The following CRACDL variants were observed in gnomAD, a reference collection of about 807,000 sequenced individuals.
CRACDL encodes the protein CRACD-like protein.
CRACDL carries 26 observed loss-of-function variants against 70.6 expected under a neutral mutation model. The ratio of observed to expected loss-of-function variants is 0.37; its 90% CI spans 0.27 to 0.51. The LOEUF (loss-of-function observed/expected upper bound fraction) is 0.51, where lower values mean the gene tolerates loss of function less well. Among genes scored for constraint, CRACDL ranks in the 20% least tolerant of loss-of-function variants. The pLI is 0.94. For missense variants in CRACDL, 1,283 were observed against 1,376.9 expected (o/e 0.93, Z 1.08); for synonymous variants, 618 against 615.2 (o/e 1.00, Z -0.07).
intron 1 of CRACDL, among the ~76,000 whole-genome samples, chr2:98,850,486 C>T (rs1200646463): frequency 6.6e-6 from 1 of 152,248 alleles, no homozygotes; most frequent in African/African-American, 2.4e-5. Context: ...ACCTCCCAGA[C>T]CTCCTTTTGC....
At chr2:98,807,456 A>C (rs573190768) in intron 7 of CRACDL, among the ~76,000 whole-genome samples, 2 of 151,832 alleles carry the variant, frequency 1.3e-5, no homozygotes, top group Admixed American at 1.3e-4. Context: ...TCCCTTCCCC[A>C]CCCTACCACA....
At chr2:98,916,255 G>A (rs1430642659) in intron 1 of CRACDL, among the ~76,000 whole-genome samples, 3 of 152,218 alleles carry the variant, frequency 2.0e-5, no homozygotes, top group Admixed American at 1.3e-4. Context: ...AAAAGCGCAC[G>A]ATTCCATTTA....
chr2:98,850,432 G>A (rs1706435665), intron 1 of CRACDL, among the ~76,000 whole-genome samples: 1 of 152,228 alleles, frequency 6.6e-6, no homozygotes, highest in Admixed American at 6.5e-5. Flanking sequence ...GGAAACGCCA[G>A]ATGTAAAACC....
chr2:98,827,474 TAG>T (rs1705356188), intron 5 of CRACDL, among the ~76,000 whole-genome samples: 1 of 152,176 alleles, frequency 6.6e-6, no homozygotes, highest in African/African-American at 2.4e-5. Context: ...GTATTTTTAG[TAG>T]AGACAGGGTT....
intron 6 of CRACDL, 69 bp downstream of exon 6, chr2:98,826,906 T>TG (rs60538689): frequency 0.44 from 445,714 of 1,012,698 alleles, 73,401 homozygotes; most frequent in African/African-American, 0.65. Flanking sequence ...TGAGGCAGGT[T>TG]GGGGGGGGGC....
At chr2:98,922,634 T>A (rs1184927289) in intron 1 of CRACDL, among the ~76,000 whole-genome samples, 1 of 152,122 alleles carries the variant, frequency 6.6e-6, no homozygotes, top group Non-Finnish European at 1.5e-5. Context: ...AAGCTGCCTA[T>A]GATGCCATGC....
intron 2 of CRACDL, among the ~76,000 whole-genome samples, chr2:98,839,768 T>C (rs1396528912): frequency 1.3e-5 from 2 of 152,258 alleles, no homozygotes; most frequent in Non-Finnish European, 2.9e-5. Flanking sequence ...TCTGAAAATG[T>C]ATTTTTTCCA....
intron 6 of CRACDL, among the ~76,000 whole-genome samples, chr2:98,826,022 A>G (rs540767426): frequency 6.6e-6 from 1 of 152,240 alleles, no homozygotes; most frequent in African/African-American, 2.4e-5. Flanking sequence ...GCATCTCTTT[A>G]TCAGCACTGT....
chr2:98,888,065 C>A (rs1028073588), intron 1 of CRACDL, among the ~76,000 whole-genome samples: 2 of 152,090 alleles, frequency 1.3e-5, no homozygotes, highest in African/African-American at 4.8e-5. Context: ...TTTTATGTTA[C>A]ATGAATTTCA....
intron 1 of CRACDL, among the ~76,000 whole-genome samples, chr2:98,892,097 A>T (rs181173297): frequency 1.3e-5 from 2 of 152,304 alleles, no homozygotes; most frequent in Admixed American, 6.5e-5. Context: ...GGAGTAAAAA[A>T]ATCATATACC....
At chr2:98,808,309 C>G (rs1329584601) in intron 7 of CRACDL, among the ~76,000 whole-genome samples, 2 of 152,186 alleles carry the variant, frequency 1.3e-5, no homozygotes, top group African/African-American at 4.8e-5. Flanking sequence ...ACCACCTGGG[C>G]AGCCTTTAAC....
rs184861865 is a variant in CRACDL at position 98,847,239 on chromosome 2, G to A, written c.-10-429C>T. Among the ~76,000 whole-genome samples the A allele has an allele frequency of 1.3e-4, 20 of 152,088 alleles. No homozygotes were observed. The South Asian group carries it at 2.7e-3, about 20-fold the overall frequency. On this transcript the variant is annotated intron_variant, in intron 1 of 9. Coordinates refer to ENST00000397899, the MANE Select transcript of CRACDL (RefSeq NM_207362.3). ...TCATTTCCTTCCAATAATTTTTTAC[G>A]CAAATATTTTATCCACATGCACACA...
intron 1 of CRACDL, among the ~76,000 whole-genome samples, chr2:98,898,125 G>A (rs1708177338): frequency 6.6e-6 from 1 of 152,228 alleles, no homozygotes; most frequent in South Asian, 2.1e-4. Context: ...AACTCTAAAG[G>A]TCAAGATACA....
intron 7 of CRACDL, among the ~76,000 whole-genome samples, chr2:98,820,994 C>T (rs1396620423): frequency 6.6e-6 from 1 of 152,178 alleles, no homozygotes; most frequent in Non-Finnish European, 1.5e-5. Context: ...AAAATGAGTA[C>T]ACATGTCCTG....
intron 1 of CRACDL, among the ~76,000 whole-genome samples, chr2:98,935,557 C>T (rs759418486): frequency 4.6e-5 from 7 of 152,202 alleles, no homozygotes; most frequent in Non-Finnish European, 1.0e-4. Context: ...CCTGCAACTG[C>T]GTGTGGAGAC....
At chr2:98,805,042 T>C (rs764776964) in intron 7 of CRACDL, among the ~76,000 whole-genome samples, 56 of 152,246 alleles carry the variant, frequency 3.7e-4, no homozygotes, top group Admixed American at 7.2e-4. Context: ...TTCTCTCCAG[T>C]GCATGGAGAC....
intron 1 of CRACDL, among the ~76,000 whole-genome samples, chr2:98,887,851 C>G (rs920792572): frequency 1.3e-5 from 2 of 152,166 alleles, no homozygotes; most frequent in Non-Finnish European, 2.9e-5. Flanking sequence ...ATGAACTATC[C>G]AGGCTGAAGG....
intron 7 of CRACDL, among the ~76,000 whole-genome samples, chr2:98,801,701 G>A (rs1704083980): frequency 6.6e-6 from 1 of 152,198 alleles, no homozygotes; most frequent in South Asian, 2.1e-4. Flanking sequence ...TGAAGATTGG[G>A]TGAAATATCC....
chr2:98,843,229 A>G (rs1706116112), intron 2 of CRACDL, among the ~76,000 whole-genome samples: 1 of 152,136 alleles, frequency 6.6e-6, no homozygotes, highest in East Asian at 1.9e-4. Flanking sequence ...TTTGCTCCCC[A>G]TTTTGTAACT....
Sources: allele counts gnomAD v4.1 joint callset (sites outside exome capture counted in the v4.1 genomes callset), GRCh38; gene constraint gnomAD v4.1.1; transcripts MANE v1.5; gene names NCBI Gene and HGNC (gene_info 2026-07-23, HGNC 2026-07-21).